Variants in ARB2A observed in about 807,000 individuals in gnomAD.
ARB2A encodes the protein cotranscriptional regulator ARB2A.
At chr5:93,864,818 A>G in the ARB2A span, among the ~76,000 whole-genome samples, 3 of 152,190 alleles carry the variant, frequency 2.0e-5, no homozygotes, top group Non-Finnish European at 4.4e-5. Context: ...TAACATATGA[A>G]TGATGTCAAA....
chr5:93,854,290 G>A, the ARB2A span, among the ~76,000 whole-genome samples: 2 of 152,116 alleles, frequency 1.3e-5, no homozygotes, highest in Non-Finnish European at 2.9e-5. Flanking sequence ...ATTTCTGTGG[G>A]ATTGGTGGTG....
At chr5:94,078,042 A>G in the ARB2A span, among the ~76,000 whole-genome samples, 9 of 152,238 alleles carry the variant, frequency 5.9e-5, no homozygotes, top group African/African-American at 2.2e-4. Flanking sequence ...CCGTTGGCAC[A>G]AAATGTGGCA....
chr5:94,109,637 T>C, the ARB2A span, among the ~76,000 whole-genome samples: 1 of 152,192 alleles, frequency 6.6e-6, no homozygotes, highest in Non-Finnish European at 1.5e-5. Context: ...ATTCTTGAGA[T>C]TGTTAAGTAC....
the ARB2A span, among the ~76,000 whole-genome samples, chr5:93,963,259 CA>C: frequency 6.6e-6 from 1 of 151,594 alleles, no homozygotes; most frequent in Non-Finnish European, 1.5e-5. Context: ...AGTTTAAATT[CA>C]AAAAAGACTG....
chr5:93,784,519 T>C, the ARB2A span: 1 of 1,582,064 alleles, frequency 6.3e-7, no homozygotes. Flanking sequence ...AAAAGGAAAA[T>C]AAAATATTGG....
chr5:93,789,765 G>A, the ARB2A span, among the ~76,000 whole-genome samples: 1 of 152,102 alleles, frequency 6.6e-6, no homozygotes, highest in Non-Finnish European at 1.5e-5. Context: ...TATTTTTCCT[G>A]AAGATTCTTT....
the ARB2A span, among the ~76,000 whole-genome samples, chr5:93,926,308 T>C: frequency 3.3e-4 from 50 of 152,134 alleles, no homozygotes; most frequent in African/African-American, 1.2e-3. Flanking sequence ...TTTGTATTTT[T>C]TTTTCAGTAG....
chr5:93,932,976 C>T, the ARB2A span, among the ~76,000 whole-genome samples: 1 of 152,156 alleles, frequency 6.6e-6, no homozygotes, highest in African/African-American at 2.4e-5. Context: ...ACAATTCCAT[C>T]AAAGAGTCAG....
chr5:94,020,897 A>C, the ARB2A span, among the ~76,000 whole-genome samples: 1 of 152,118 alleles, frequency 6.6e-6, no homozygotes, highest in South Asian at 2.1e-4. Flanking sequence ...TAGACAAGGA[A>C]ATTTCCAGAT....
chr5:93,715,402 G>A, the ARB2A span, among the ~76,000 whole-genome samples: 1 of 152,138 alleles, frequency 6.6e-6, no homozygotes, highest in African/African-American at 2.4e-5. Context: ...GTCATAACAT[G>A]TGTTACTGCA....
At chr5:93,807,169 G>A in the ARB2A span, among the ~76,000 whole-genome samples, 1 of 151,874 alleles carries the variant, frequency 6.6e-6, no homozygotes, top group Non-Finnish European at 1.5e-5. Context: ...GGAGGTAATG[G>A]GCATTTTCTT....
At chr5:94,054,294 C>T in the ARB2A span, among the ~76,000 whole-genome samples, 1 of 152,074 alleles carries the variant, frequency 6.6e-6, no homozygotes, top group Non-Finnish European at 1.5e-5. Context: ...GGATTCCATT[C>T]AGGACACCAC....
At chr5:93,864,039 C>T in the ARB2A span, among the ~76,000 whole-genome samples, 1 of 152,120 alleles carries the variant, frequency 6.6e-6, no homozygotes, top group Non-Finnish European at 1.5e-5. Context: ...GTGCCAGACA[C>T]TGTAAGAGGA....
At chr5:93,811,155 T>TTAA in the ARB2A span, among the ~76,000 whole-genome samples, 1 of 152,018 alleles carries the variant, frequency 6.6e-6, no homozygotes. Context: ...ATTTAGTTGG[T>TTAA]ATTAGAAGAC....
At chr5:93,758,214 T>C in the ARB2A span, among the ~76,000 whole-genome samples, 2 of 152,070 alleles carry the variant, frequency 1.3e-5, no homozygotes, top group African/African-American at 2.4e-5. Flanking sequence ...TAAACATACA[T>C]GCATCTAACA....
the ARB2A span, among the ~76,000 whole-genome samples, chr5:94,068,972 TTGCAGTGAGCCG>T: frequency 8.7e-5 from 13 of 148,780 alleles, no homozygotes; most frequent in Non-Finnish European, 1.8e-4. Flanking sequence ...GAGGCAGAGG[TTGCAGTGAGCCG>T]AGATCGTGCC....
the ARB2A span, among the ~76,000 whole-genome samples, chr5:93,639,201 T>C: frequency 6.6e-6 from 1 of 152,212 alleles, no homozygotes; most frequent in Non-Finnish European, 1.5e-5. Flanking sequence ...TGTCAGGTAA[T>C]GTCCTTCGGT....
chr5:93,922,285 G>A, the ARB2A span, among the ~76,000 whole-genome samples: 5 of 151,676 alleles, frequency 3.3e-5, no homozygotes, highest in East Asian at 5.9e-4. Context: ...GGATATGGGG[G>A]AAAAAAATTG....
At chr5:93,742,752 TA>T in the ARB2A span, among the ~76,000 whole-genome samples, 2 of 152,212 alleles carry the variant, frequency 1.3e-5, no homozygotes, top group Admixed American at 1.3e-4. Flanking sequence ...TGTATCTGGC[TA>T]TAGTGACAAC....
Sources: gnomAD v4.1 joint callset for allele counts (sites outside exome capture counted in the v4.1 genomes callset) on GRCh38, gnomAD v4.1.1 for gene constraint, MANE v1.5 for transcripts, NCBI Gene and HGNC (gene_info 2026-07-23, HGNC 2026-07-21) for gene names.